CENPI: variants seen among roughly 807,000 people sequenced by gnomAD.
CENPI encodes the protein centromere protein I, also known as FSH primary response 1.
In CENPI, 4 loss-of-function variants were observed where a neutral mutation model predicts 60.4. The observed-to-expected ratio is 0.07, with a 90% CI of 0.03 to 0.15. CENPI has a LOEUF of 0.15. Among genes scored for constraint, CENPI ranks in the 10% least tolerant of loss-of-function variants. The probability of loss-of-function intolerance (pLI) is 1.00; values close to 1 mark genes in which losing one functional copy is unlikely to be tolerated. For missense variants in CENPI, 444 were observed against 534.5 expected, an observed-to-expected ratio of 0.83 and a Z score of 1.67; for synonymous variants, 157 against 189.4, an observed-to-expected ratio of 0.83 and a Z score of 1.40.
intron 13 of CENPI, among the ~76,000 whole-genome samples, chrX:101,130,913 G>A (rs1602807235): frequency 1.8e-5 from 2 of 111,910 alleles, no homozygotes; most frequent in Non-Finnish European, 3.8e-5. Flanking sequence ...CACATTACGA[G>A]CTCCCAGCAG....
In CENPI at chrX:101,132,378, T is replaced by C. The variant is rs376933434; in HGVS notation, c.1406-14T>C. 3.1e-4 allele frequency: 372 copies of C among 1,204,623 alleles called. No individual in the cohort carries two copies. Among genetic ancestry groups the C allele is most frequent in the Non-Finnish European group, 3.9e-4 (347 of 891,054 alleles). On this transcript the variant is annotated splice_polypyrimidine_tract_variant and intron_variant, in intron 14 of 21. Coordinates refer to ENST00000682095, the MANE Select transcript of CENPI (RefSeq NM_001386188.2). ...ATTGAAAGGATTTTGAATAATCTTTTTTTTGATTCCTAGAGGTGAAACCAC... is the reference window on the plus strand; with the variant it reads ...ATTGAAAGGATTTTGAATAATCTTTCTTTTGATTCCTAGAGGTGAAACCAC...
At chrX:101,139,449 A>G (rs1209849719) in intron 15 of CENPI, among the ~76,000 whole-genome samples, 2 of 111,880 alleles carry the variant, frequency 1.8e-5, no homozygotes, top group Non-Finnish European at 3.8e-5. Flanking sequence ...TACCCACAAA[A>G]ATTAAAAATA....
the CENPI span, among the ~76,000 whole-genome samples, chrX:101,179,986 C>A: frequency 1.8e-5 from 2 of 111,921 alleles, no homozygotes; most frequent in African/African-American, 3.2e-5. Context: ...ACATCCTTGC[C>A]AACTATTATT....
chrX:101,126,270 C>A (rs2089734370), intron 8 of CENPI, among the ~76,000 whole-genome samples: 1 of 111,700 alleles, frequency 9.0e-6, no homozygotes, highest in Non-Finnish European at 1.9e-5. Context: ...TTATGGCATA[C>A]CAATTGTAAT....
intron 20 of CENPI, among the ~76,000 whole-genome samples, chrX:101,148,431 A>C (rs997911793): frequency 3.6e-5 from 4 of 111,922 alleles, no homozygotes; most frequent in Admixed American, 9.6e-5. Context: ...GAAAAGGTTC[A>C]GTTGTAAGAA....
chrX:101,132,533 A>G (rs1056848681), intron 15 of CENPI, 77 bp downstream of exon 15: 8 of 845,481 alleles, frequency 9.5e-6, no homozygotes, highest in African/African-American at 2.0e-5. Context: ...CCAAACTGAT[A>G]TTACAGCAAT....
At chrX:101,121,647 G>A (rs2089679629) in intron 8 of CENPI, among the ~76,000 whole-genome samples, 1 of 110,417 alleles carries the variant, frequency 9.1e-6, no homozygotes, top group Admixed American at 9.8e-5. Context: ...AGGGAGAGAA[G>A]GGCATTCCTC....
At chrX:101,113,734 T>C (rs2089584709) in intron 6 of CENPI, among the ~76,000 whole-genome samples, 1 of 112,606 alleles carries the variant, frequency 8.9e-6, no homozygotes, top group South Asian at 3.6e-4. Flanking sequence ...TAAAAGTGTA[T>C]TTTTTATTCT....
intron 7 of CENPI, 78 bp downstream of exon 7, chrX:101,120,528 A>C: frequency 1.6e-6 from 1 of 625,688 alleles, no homozygotes; most frequent in Non-Finnish European, 2.6e-6. Flanking sequence ...TAAAATAACT[A>C]TTAGCATTAG....
At chrX:101,137,763 A>G (rs2089861626) in intron 15 of CENPI, among the ~76,000 whole-genome samples, 1 of 105,702 alleles carries the variant, frequency 9.5e-6, no homozygotes, top group African/African-American at 3.5e-5. Flanking sequence ...ATGAAAGGAG[A>G]TCTCTGTGTG....
Position 101,110,262 on chromosome X carries a change from T to C in CENPI, c.591+264T>C, listed in dbSNP as rs1474595856. 6.2e-5 allele frequency among the ~76,000 whole-genome samples: 7 copies of C among 112,271 alleles called. No individual in the cohort carries two copies. The Admixed American group carries it at 6.7e-4, about 11-fold the overall frequency. ...TACTTTATGTCTTCTTTTAAGGAAA[T>C]AAAAATGTTACAGATAAAGTTGATT... On this transcript the variant is annotated intron_variant, in intron 6 of 21. Transcript: ENST00000682095.
intron 20 of CENPI, among the ~76,000 whole-genome samples, chrX:101,154,277 A>G (rs2090033492): frequency 9.0e-6 from 1 of 111,537 alleles, no homozygotes; most frequent in East Asian, 2.8e-4. Context: ...AATTTCTATA[A>G]AGAATCCAGG....
chrX:101,101,428 C>T, intron 3 of CENPI, 132 bp downstream of exon 3: 1 of 476,087 alleles, frequency 2.1e-6, no homozygotes, highest in Non-Finnish European at 3.6e-6. Context: ...AGACATTGAG[C>T]AATTACTATA....
At position 101,101,115 on chromosome X, in the gene CENPI, G is replaced by C; in HGVS notation, c.45G>C (p.Arg15Ser). ...KRVKNVQAQNRTSQGSSSFQT... is the reference protein window; with the variant it reads ...KRVKNVQAQNSTSQGSSSFQT... ...TTAAGAACGTCCAGGCACAAAACAG[G>C]ACTTCACAAGGTAGTAGTAGTTTTC... Residue 15 changes from arginine to serine, a missense_variant, in exon 3 of 22, where the codon AGG becomes AGC. By Grantham distance (110) the Arg-to-Ser change is moderately radical. Transcript: ENST00000682095. 1 of 1,211,354 alleles carries C rather than the reference G, an allele frequency of 8.3e-7. No homozygotes were observed. The highest frequency in any genetic ancestry group is 1.8e-5 in the South Asian group (1 of 56,968).
the CENPI span, among the ~76,000 whole-genome samples, chrX:101,178,485 A>G: frequency 1.1e-5 from 1 of 92,344 alleles, no homozygotes; most frequent in Non-Finnish European, 2.0e-5. Context: ...ATCTCGGCTC[A>G]CTGCAACCTC....
At chrX:101,158,121 A>T (rs1164835429) in intron 20 of CENPI, among the ~76,000 whole-genome samples, 1 of 111,648 alleles carries the variant, frequency 9.0e-6, no homozygotes, top group Non-Finnish European at 1.9e-5. Context: ...TCTAGCCACA[A>T]ATGACAGAAT....
intron 13 of CENPI, among the ~76,000 whole-genome samples, chrX:101,131,758 A>G (rs2089797593): frequency 9.0e-6 from 1 of 111,433 alleles, no homozygotes; most frequent in Admixed American, 9.6e-5. Flanking sequence ...AATATAAGCA[A>G]CCTAGACATT....
At position 101,164,976 on chromosome X, in the gene CENPI, C is replaced by T. The variant is rs551776880; in HGVS notation, c.*2009C>T. ...GCCCCAGTGAAGTAAGCATATGAGT[C>T]ATATAAATATTTGGGGAAAGAGCAT... On this transcript the variant is annotated 3_prime_UTR_variant, in exon 22 of 22. Transcript: ENST00000682095. 4.5e-5 allele frequency among the ~76,000 whole-genome samples: 5 copies of T among 111,401 alleles called. No homozygotes were observed. Among genetic ancestry groups the T allele is most frequent in the African/African-American group, 1.6e-4 (5 of 30,692 alleles).
chrX:101,132,087 C>CT (rs2089800687), intron 13 of CENPI, 103 bp from the exon 14 acceptor site: 1 of 556,949 alleles, frequency 1.8e-6, no homozygotes, highest in Non-Finnish European at 2.9e-6. Context: ...AAAAATTAGT[C>CT]TAAGAGTGAA....
Sources: gnomAD v4.1 joint callset for allele counts (sites outside exome capture counted in the v4.1 genomes callset) on GRCh38, gnomAD v4.1.1 for gene constraint, MANE v1.5 for transcripts, NCBI Gene and HGNC (gene_info 2026-07-23, HGNC 2026-07-21) for gene names.